Variants in TSHR observed in about 807,000 individuals in gnomAD.
The protein encoded by TSHR is thyrotropin receptor.
A neutral mutation model predicts 64.1 loss-of-function variants in TSHR; 51 were observed. That is an observed-to-expected ratio of 0.80 (90% CI 0.64 to 1.01). The LOEUF (loss-of-function observed/expected upper bound fraction) is 1.01. Among genes scored for constraint, TSHR ranks in the 50% least tolerant of loss-of-function variants. TSHR has a pLI of 0.00. For missense variants in TSHR, 877 were observed against 942.8 expected, an observed-to-expected ratio of 0.93 and a Z score of 0.91; for synonymous variants, 361 against 361.9, an observed-to-expected ratio of 1.00 and a Z score of 0.03.
chr14:81,127,234 T>C (rs1345708562), intron 8 of TSHR, among the ~76,000 whole-genome samples: 1 of 152,222 alleles, frequency 6.6e-6, no homozygotes, highest in Non-Finnish European at 1.5e-5. Context: ...GGGAGTTTAC[T>C]CCTAGATCAG....
chr14:81,005,688 G>T (rs950762181), intron 1 of TSHR, among the ~76,000 whole-genome samples: 9 of 152,160 alleles, frequency 5.9e-5, no homozygotes, highest in African/African-American at 2.2e-4. Flanking sequence ...AAAGCAGACT[G>T]CCACCACAGG....
At chr14:81,032,973 A>G in intron 1 of TSHR, 1 of 351,464 alleles carries the variant, frequency 2.8e-6, no homozygotes, top group Non-Finnish European at 5.6e-6. Context: ...CAAAAACAAA[A>G]GGTGCACCAA....
intron 1 of TSHR, among the ~76,000 whole-genome samples, chr14:80,972,663 CA>C (rs1303229195): frequency 1.3e-5 from 2 of 152,162 alleles, no homozygotes; most frequent in Non-Finnish European, 1.5e-5. Context: ...CATTCAGTGG[CA>C]TTTAGTACAT....
intron 1 of TSHR, among the ~76,000 whole-genome samples, chr14:81,035,613 T>G (rs1005292): frequency 0.84 from 127,486 of 152,150 alleles, 54,084 homozygotes; most frequent in African/African-American, 0.96. Context: ...AAATATTAAT[T>G]ACTGATGTGA....
At chr14:81,006,502 A>G (rs1419680348) in intron 1 of TSHR, among the ~76,000 whole-genome samples, 1 of 151,500 alleles carries the variant, frequency 6.6e-6, no homozygotes, top group Non-Finnish European at 1.5e-5. Flanking sequence ...TCAGGGCCCT[A>G]TTTCCAAATA....
At chr14:81,079,860 GA>G (rs11315908) in intron 3 of TSHR, among the ~76,000 whole-genome samples, 29,378 of 89,690 alleles carry the variant, frequency 0.33, 4,075 homozygotes, top group African/African-American at 0.5. Flanking sequence ...TAGCTCAAAA[GA>G]AAAAAAAAAA....
intron 1 of TSHR, chr14:81,032,444 T>G (rs78646241): frequency 0.01 from 3,117 of 304,362 alleles, 92 homozygotes; most frequent in African/African-American, 0.065. Context: ...TGCAAGACAC[T>G]TCAGGTTCAA....
At chr14:81,090,958 C>T in intron 4 of TSHR, 111 bp from the exon 5 acceptor site, 3 of 884,994 alleles carry the variant, frequency 3.4e-6, no homozygotes, top group Non-Finnish European at 5.5e-6. Context: ...AGTTTGACTA[C>T]AGGTTGTCTT....
chr14:81,001,877 T>C (rs921351638), intron 1 of TSHR: 1 of 226,046 alleles, frequency 4.4e-6, no homozygotes, highest in African/African-American at 2.3e-5. Context: ...CCTTCTCTTT[T>C]CACAAAGGAA....
rs139961500 is a variant in TSHR at position 81,076,252 on chromosome 14, A to G, written c.317+7924A>G. Among the ~76,000 whole-genome samples the G allele has an allele frequency of 2.6e-5, 4 of 152,268 alleles. No homozygotes were observed. The East Asian group carries it at 7.7e-4, about 29-fold the overall frequency. On this transcript the variant is annotated intron_variant, in intron 3 of 9. Transcript: ENST00000298171. Reference sequence around the variant, plus strand: ...TCACAATCCTGGTTGGACTCCTATCATGCTGGTCAGTCTTTCCTATCATCT... The same window carrying G: ...TCACAATCCTGGTTGGACTCCTATCGTGCTGGTCAGTCTTTCCTATCATCT...
At chr14:80,982,933 G>A in intron 1 of TSHR, 1 of 522,132 alleles carries the variant, frequency 1.9e-6, no homozygotes, top group Non-Finnish European at 3.5e-6. Flanking sequence ...TTGCAAAATG[G>A]AATGCTATGT....
intron 1 of TSHR, chr14:80,982,991 C>G (rs10139168): frequency 0.022 from 11,782 of 539,052 alleles, 1,028 homozygotes; most frequent in African/African-American, 0.2. Flanking sequence ...AAGTCAACTA[C>G]TGATCCTCTT....
At chr14:81,116,595 C>T (rs1413420826) in intron 8 of TSHR, among the ~76,000 whole-genome samples, 2 of 144,366 alleles carry the variant, frequency 1.4e-5, no homozygotes, top group East Asian at 4.4e-4. Flanking sequence ...GACTTTAACA[C>T]CCCAATGTCA....
At chr14:81,012,511 G>T (rs1374573379) in intron 1 of TSHR, 2 of 149,596 alleles carry the variant, frequency 1.3e-5, no homozygotes, top group African/African-American at 4.9e-5. Flanking sequence ...CTGAGGAATC[G>T]CCACACTGAC....
At chr14:81,039,340 T>C (rs186040301) in intron 1 of TSHR, among the ~76,000 whole-genome samples, 1 of 152,026 alleles carries the variant, frequency 6.6e-6, no homozygotes, top group African/African-American at 2.4e-5. Context: ...GAACATACCT[T>C]AACATGATAA....
At chr14:81,120,769 A>G (rs1303672798) in intron 8 of TSHR, among the ~76,000 whole-genome samples, 1 of 152,198 alleles carries the variant, frequency 6.6e-6, no homozygotes, top group East Asian at 1.9e-4. Context: ...AGGAACTTGG[A>G]AGGAACAGAA....
intron 1 of TSHR, among the ~76,000 whole-genome samples, chr14:81,000,785 T>C (rs2268461): frequency 0.14 from 20,600 of 152,222 alleles, 1,720 homozygotes; most frequent in East Asian, 0.38. Context: ...TGTTTTTCCC[T>C]TGCTGGGTAG....
chr14:81,081,465 G>A (rs1057291853), intron 3 of TSHR, among the ~76,000 whole-genome samples: 12 of 152,102 alleles, frequency 7.9e-5, no homozygotes, highest in Non-Finnish European at 1.5e-4. Flanking sequence ...CACCCTCCAG[G>A]AGGATGGTCA....
intron 2 of TSHR, among the ~76,000 whole-genome samples, chr14:81,062,600 T>G (rs1262383519): frequency 1.3e-5 from 2 of 152,174 alleles, no homozygotes; most frequent in African/African-American, 4.8e-5. Context: ...CACCAAGTCT[T>G]GAATCACCTT....
Sources: allele counts gnomAD v4.1 joint callset (sites outside exome capture counted in the v4.1 genomes callset), GRCh38; gene constraint gnomAD v4.1.1; transcripts MANE v1.5; gene names NCBI Gene and HGNC (gene_info 2026-07-23, HGNC 2026-07-21).